ARHGEF11: variants seen among roughly 807,000 people sequenced by gnomAD.
ARHGEF11 encodes the protein Rho guanine exchange factor (GEF) 11.
ARHGEF11 carries 55 observed loss-of-function variants against 193.7 expected under a neutral mutation model. The ratio of observed to expected loss-of-function variants is 0.28; its 90% CI spans 0.23 to 0.36. The LOEUF is 0.36. ARHGEF11 is among the 10% of genes least tolerant of loss of function. The probability of loss-of-function intolerance (pLI) is 1.00; values close to 1 mark genes in which losing one functional copy is unlikely to be tolerated. For synonymous variants in ARHGEF11, 693 were observed against 768.0 expected (o/e 0.90, Z 1.62); for missense variants, 1,723 against 2,005.6 (o/e 0.86, Z 2.69).
In ARHGEF11 at chr1:156,936,497, A is replaced by AAATAT. The variant is rs370282821; in HGVS notation, c.4630+318_4630+319insATATT. On this transcript the variant is annotated intron_variant, in intron 40 of 40. Transcript: ENST00000368194. ...AATAAATAGAAAAAAAAAAAAAAAAAATATATATATATATATATATATATA... is the reference window on the plus strand; with the variant it reads ...AATAAATAGAAAAAAAAAAAAAAAAAAATATATATATATATATATATATATATATA... Among the ~76,000 whole-genome samples the AAATAT allele has an allele frequency of 5.3e-3, 179 of 33,912 alleles. 2 individuals are homozygous for AAATAT. The highest frequency in any genetic ancestry group is 8.3e-3 in the African/African-American group (54 of 6,486). The allele number at this position is 33,912 out of a possible 152,430, so 22.2% of individuals were successfully genotyped here.
chr1:156,951,127 G>A (rs1659028473), intron 22 of ARHGEF11, among the ~76,000 whole-genome samples: 1 of 152,224 alleles, frequency 6.6e-6, no homozygotes, highest in Admixed American at 6.5e-5. Flanking sequence ...GTACCCAGCA[G>A]AACCTCATCT....
chr1:156,978,150 G>A (rs1474832054), intron 6 of ARHGEF11, 54 bp downstream of exon 6: 74 of 1,609,560 alleles, frequency 4.6e-5, no homozygotes, highest in Non-Finnish European at 5.9e-5. Flanking sequence ...TCCCCAATGC[G>A]GAGCTTTTCA....
chr1:156,959,939 C>G lies in ARHGEF11; in HGVS notation c.1282+479G>C, dbSNP rs868023839. On this transcript the variant is annotated intron_variant, in intron 15 of 40. Coordinates refer to ENST00000368194, the MANE Select transcript of ARHGEF11 (RefSeq NM_198236.3). ...AACAAAAATAACCCCCCCTCCCCCC[C>G]CCCCAAAAAAAACAATAAGAAAAAC... Among the ~76,000 whole-genome samples, 872 of 111,476 alleles carry G rather than the reference C, an allele frequency of 7.8e-3. 5 individuals carry two copies. The highest frequency in any genetic ancestry group is 0.013 in the Non-Finnish European group (660 of 52,402). The allele number at this position is 111,476 out of a possible 152,430, so 73.1% of individuals were successfully genotyped here. A position where few individuals can be genotyped will look rare whatever the true frequency, so the allele number is the denominator to read the frequency against.
In ARHGEF11 at chr1:156,937,467, C is replaced by T. The variant is rs371772318; in HGVS notation, c.4222G>A (p.Gly1408Arg). The T allele has an allele frequency of 1.7e-5, 26 of 1,534,158 alleles. No individual in the cohort carries two copies. Among genetic ancestry groups the T allele is most frequent in the Non-Finnish European group, 2.2e-5 (25 of 1,143,928 alleles). ...GNCFYVSMPS[G>R]PPDSSTDHSE... Reference sequence around the variant, plus strand: ...TGGTCGGTGCTTGAGTCCGGGGGTCCTGATGGCATGCTGACATAAAAGCAG... The same window carrying T: ...TGGTCGGTGCTTGAGTCCGGGGGTCTTGATGGCATGCTGACATAAAAGCAG... Residue 1408 changes from glycine to arginine, a missense_variant, in exon 39 of 41, where the codon GGA becomes AGA. By Grantham distance (125) the Gly-to-Arg change is moderately radical. Around this residue, in one of 5 missense-constraint regions of ARHGEF11, gnomAD observed 360 missense variants for 344.4 expected, o/e 1.05. Coordinates refer to ENST00000368194, the MANE Select transcript of ARHGEF11 (RefSeq NM_198236.3).
chr1:157,035,526 C>G (rs1671808886), intron 1 of ARHGEF11, among the ~76,000 whole-genome samples: 1 of 151,930 alleles, frequency 6.6e-6, no homozygotes, highest in Non-Finnish European at 1.5e-5. Context: ...CTGCCTCAGC[C>G]TCCCGAGTAG....
intron 1 of ARHGEF11, among the ~76,000 whole-genome samples, chr1:157,004,469 A>T (rs1161028904): frequency 6.6e-6 from 1 of 152,208 alleles, no homozygotes; most frequent in Non-Finnish European, 1.5e-5. Flanking sequence ...GGGAGTAATT[A>T]GGCCCATACC....
intron 1 of ARHGEF11, among the ~76,000 whole-genome samples, chr1:157,008,406 G>GCACACACACACACACA (rs60934928): frequency 1.6e-4 from 24 of 149,120 alleles, no homozygotes; most frequent in African/African-American, 5.9e-4. Context: ...TTGCACGCAC[G>GCACACACACACACACA]CACACACACA....
intron 22 of ARHGEF11, among the ~76,000 whole-genome samples, chr1:156,950,685 G>A (rs75778470): frequency 0.046 from 6,800 of 148,064 alleles, 523 homozygotes; most frequent in African/African-American, 0.17. Flanking sequence ...ACAAACAAAC[G>A]AAGGCAAAAT....
In ARHGEF11 at chr1:156,945,165, C is replaced by A; in HGVS notation, c.2845G>T (p.Ala949Ser). 6.2e-7 allele frequency: 1 copy of A among 1,614,080 alleles called. No homozygotes were observed. Among genetic ancestry groups the A allele is most frequent in the Non-Finnish European group, 8.5e-7 (1 of 1,179,972 alleles). Residue 949 changes from alanine to serine, a missense_variant, in exon 30 of 41, where the codon GCC (alanine) becomes TCC (serine). By Grantham distance (99) the Ala-to-Ser change is moderately conservative. Transcript: ENST00000368194. ...AGAATCTCCCGGCACTGGTCCCGGGCCCGGCACAGCTTCTCATGCTCAGAG... is the reference window on the plus strand; with the variant it reads ...AGAATCTCCCGGCACTGGTCCCGGGACCGGCACAGCTTCTCATGCTCAGAG... ...GTSEHEKLCRARDQCREILKY... is the reference protein window; with the variant it reads ...GTSEHEKLCRSRDQCREILKY...
At position 156,948,627 on chromosome 1, in the gene ARHGEF11, G is replaced by T. The variant is rs765566312; in HGVS notation, c.1926-129C>A. The T allele has an allele frequency of 6.3e-6, 10 of 1,582,578 alleles. No homozygotes were observed. The highest frequency in any genetic ancestry group is 1.8e-5 in the Admixed American group (1 of 55,482). ...GCCACAGGTTCTCCTCCTGAACATG[G>T]CCAAAGCAGCTGGATGGCAGTGGAA... On this transcript the variant is annotated intron_variant, in intron 22 of 40. Coordinates refer to ENST00000368194, the MANE Select transcript of ARHGEF11 (RefSeq NM_198236.3). This position sits in a 1 kb window ranked among gnomAD's most constrained non-coding sequence, Gnocchi z 4.2.
chr1:156,958,661 A>C, intron 17 of ARHGEF11, 81 bp downstream of exon 17: 1 of 1,571,856 alleles, frequency 6.4e-7, no homozygotes. Flanking sequence ...GAAGAGGGGG[A>C]GAGGTTGAAA....
chr1:156,982,166 C>T (rs191662296), intron 3 of ARHGEF11, among the ~76,000 whole-genome samples: 19 of 151,662 alleles, frequency 1.3e-4, no homozygotes, highest in Non-Finnish European at 1.9e-4. Flanking sequence ...GTATGAAACA[C>T]GTGAGGTGAC....
chr1:157,034,387 C>T (rs1035262725), intron 1 of ARHGEF11, among the ~76,000 whole-genome samples: 17 of 152,176 alleles, frequency 1.1e-4, no homozygotes, highest in African/African-American at 1.7e-4. Context: ...AAAGGCAGCC[C>T]GGAAATCAAG....
At chr1:156,979,333 G>C (rs1437400162) in intron 4 of ARHGEF11, 47 bp from the exon 5 acceptor site, 6 of 1,476,556 alleles carry the variant, frequency 4.1e-6, no homozygotes, top group South Asian at 2.3e-5. Context: ...GAACAGCTAG[G>C]GGATCCTTCT....
In ARHGEF11 at chr1:156,935,860, C is replaced by G. The variant is rs367828775; in HGVS notation, c.*140G>C. Reference sequence around the variant, plus strand: ...ACCAAGCAACATGCGGGTCTCCCCCCGGGCCTTGGCTGGATCCTAGTTTCC... The same window carrying G: ...ACCAAGCAACATGCGGGTCTCCCCCGGGGCCTTGGCTGGATCCTAGTTTCC... On this transcript the variant is annotated 3_prime_UTR_variant, in exon 41 of 41. Transcript: ENST00000368194. The G allele has an allele frequency of 7.2e-4, 694 of 966,768 alleles. 3 individuals are homozygous for G. The African/African-American group carries it at 8.7e-3, about 12-fold the overall frequency. 59.9% of individuals were successfully genotyped at this position (966,768 alleles called of 1,614,324 possible).
At position 156,948,547 on chromosome 1, in the gene ARHGEF11, A is replaced by G. The variant is rs745716010; in HGVS notation, c.1926-49T>C. 6.2e-7 allele frequency: 1 copy of G among 1,614,010 alleles called. No individual in the cohort carries two copies. The highest frequency in any genetic ancestry group is 1.7e-5 in the Admixed American group (1 of 60,026). On this transcript the variant is annotated intron_variant, in intron 22 of 40. Coordinates refer to ENST00000368194, the MANE Select transcript of ARHGEF11 (RefSeq NM_198236.3). This position sits in a 1 kb window ranked among gnomAD's most constrained non-coding sequence, Gnocchi z 4.2. ...TTGGGACTTGGGAAGTCAGTGGGCC[A>G]TGCTTACATCCTGGCTAACTCTTAC...
intron 1 of ARHGEF11, among the ~76,000 whole-genome samples, chr1:157,002,322 C>G (rs1037301239): frequency 6.6e-6 from 1 of 152,190 alleles, no homozygotes; most frequent in Non-Finnish European, 1.5e-5. Flanking sequence ...CAGTTTGGAT[C>G]TCATTCTCCA....
At chr1:156,978,412 A>G in intron 5 of ARHGEF11, 30 bp from the exon 6 acceptor site, 11 of 1,560,874 alleles carry the variant, frequency 7.0e-6, no homozygotes, top group South Asian at 3.7e-5. Flanking sequence ...GACTTGTTCC[A>G]GGAGTGCTGT....
At chr1:156,970,882 G>A (rs1476959711) in intron 8 of ARHGEF11, among the ~76,000 whole-genome samples, 1 of 152,204 alleles carries the variant, frequency 6.6e-6, no homozygotes, top group East Asian at 1.9e-4. Flanking sequence ...AATCCAGATG[G>A]TCTAAGTCCA....
Sources: allele counts gnomAD v4.1 joint callset (sites outside exome capture counted in the v4.1 genomes callset), GRCh38; gene constraint gnomAD v4.1.1; regional missense constraint gnomAD v4.1.1; non-coding constraint Gnocchi (gnomAD v3.1); transcripts MANE v1.5; gene names NCBI Gene and HGNC (gene_info 2026-07-23, HGNC 2026-07-21).